OTUD7A: variants seen among roughly 807,000 people sequenced by gnomAD.
OTUD7A encodes OTU deubiquitinase 7A.
In OTUD7A, 12 loss-of-function variants were observed where a neutral mutation model predicts 65.7. The ratio of observed to expected loss-of-function variants is 0.18; its 90% confidence interval spans 0.12 to 0.30. The LOEUF (loss-of-function observed/expected upper bound fraction) is 0.30. Ranked by LOEUF, OTUD7A falls within the 10% of genes least tolerant of loss-of-function variation. The probability of loss-of-function intolerance (pLI) is 1.00; values close to 1 mark genes in which losing one functional copy is unlikely to be tolerated. For synonymous variants in OTUD7A, 641 were observed against 586.3 expected (o/e 1.09, Z -1.35); for missense variants, 1,148 against 1,304.8 (o/e 0.88, Z 1.85).
At chr15:31,699,326 G>A (rs1197422288) in intron 1 of OTUD7A, among the ~76,000 whole-genome samples, 6 of 152,108 alleles carry the variant, frequency 3.9e-5, no homozygotes, top group South Asian at 2.1e-4. Flanking sequence ...TGATCCGCCC[G>A]CCTCGGCCTC....
intron 10 of OTUD7A, among the ~76,000 whole-genome samples, chr15:31,488,723 T>A (rs2041274922): frequency 6.6e-6 from 1 of 152,120 alleles, no homozygotes; most frequent in African/African-American, 2.4e-5. Flanking sequence ...ACACCAATAG[T>A]TGATTTGGTA....
intron 3 of OTUD7A, among the ~76,000 whole-genome samples, chr15:31,609,110 A>C (rs2085666): frequency 6.6e-6 from 1 of 152,074 alleles, no homozygotes; most frequent in Non-Finnish European, 1.5e-5. Flanking sequence ...TGGGTCCCCA[A>C]GCAGGCCATT....
At chr15:31,786,607 C>T (rs1595767804) in intron 1 of OTUD7A, among the ~76,000 whole-genome samples, 1 of 152,104 alleles carries the variant, frequency 6.6e-6, no homozygotes, top group Non-Finnish European at 1.5e-5. Context: ...GGCCCTCATG[C>T]CCTGCTGCCC....
intron 1 of OTUD7A, among the ~76,000 whole-genome samples, chr15:31,813,266 A>AG (rs1302434235): frequency 8.2e-6 from 1 of 122,490 alleles, no homozygotes; most frequent in Non-Finnish European, 1.8e-5. Context: ...TCCATGGATC[A>AG]GGCACAGAGT....
chr15:31,561,537 A>G (rs1350516205), intron 4 of OTUD7A, among the ~76,000 whole-genome samples: 3 of 152,304 alleles, frequency 2.0e-5, no homozygotes, highest in Non-Finnish European at 4.4e-5. Context: ...GGGCCCATCA[A>G]TCAGCACCCA....
intron 10 of OTUD7A, among the ~76,000 whole-genome samples, chr15:31,491,968 G>T (rs2041322449): frequency 6.6e-6 from 1 of 152,192 alleles, no homozygotes; most frequent in African/African-American, 2.4e-5. Flanking sequence ...ATAAAAGTGA[G>T]CAAATCATTG....
At chr15:31,739,484 A>G (rs1324553866) in intron 1 of OTUD7A, among the ~76,000 whole-genome samples, 1 of 152,268 alleles carries the variant, frequency 6.6e-6, no homozygotes. Context: ...TAATTAGATA[A>G]ATATGCACGT....
intron 1 of OTUD7A, among the ~76,000 whole-genome samples, chr15:31,739,835 G>A (rs1447563395): frequency 6.6e-6 from 1 of 152,220 alleles, no homozygotes; most frequent in Non-Finnish European, 1.5e-5. Context: ...GCTTCCCAAA[G>A]TGCTGGGATT....
At chr15:31,829,912 A>G (rs963611649) in intron 1 of OTUD7A, among the ~76,000 whole-genome samples, 48 of 152,222 alleles carry the variant, frequency 3.2e-4, no homozygotes, top group Non-Finnish European at 4.0e-4. Context: ...AGTGAACACG[A>G]CAATCTCTGC....
chr15:31,777,652 T>C (rs1211601489), intron 1 of OTUD7A, among the ~76,000 whole-genome samples: 2 of 152,230 alleles, frequency 1.3e-5, no homozygotes, highest in African/African-American at 4.8e-5. Context: ...TCCCCCACCC[T>C]CAGCCCAGGC....
At chr15:31,623,279 C>T (rs888518113) in intron 3 of OTUD7A, among the ~76,000 whole-genome samples, 6 of 152,356 alleles carry the variant, frequency 3.9e-5, no homozygotes, top group Admixed American at 6.5e-5. Flanking sequence ...AGAACCACTA[C>T]TCTCTTCAAA....
intron 3 of OTUD7A, among the ~76,000 whole-genome samples, chr15:31,599,836 G>A (rs572082446): frequency 1.3e-5 from 2 of 152,042 alleles, no homozygotes; most frequent in East Asian, 1.9e-4. Flanking sequence ...CAAGAACTTC[G>A]TGAAGCATAC....
intron 1 of OTUD7A, among the ~76,000 whole-genome samples, chr15:31,679,888 T>A (rs1191775023): frequency 6.6e-6 from 1 of 152,148 alleles, no homozygotes. Flanking sequence ...TAAAGTTACA[T>A]AACAGAATAA....
chr15:31,851,200 T>C (rs961071456), intron 1 of OTUD7A, among the ~76,000 whole-genome samples: 2 of 152,136 alleles, frequency 1.3e-5, no homozygotes, highest in African/African-American at 2.4e-5. Context: ...GGATTTGACA[T>C]GGATTAGGTA....
intron 1 of OTUD7A, among the ~76,000 whole-genome samples, chr15:31,740,536 C>T (rs1894314088): frequency 1.3e-5 from 2 of 151,972 alleles, no homozygotes; most frequent in Admixed American, 1.3e-4. Context: ...GCGAGGACGG[C>T]TGCCGTGGGG....
At chr15:31,781,190 G>A (rs1337051729) in intron 1 of OTUD7A, among the ~76,000 whole-genome samples, 1 of 152,174 alleles carries the variant, frequency 6.6e-6, no homozygotes, top group East Asian at 1.9e-4. Flanking sequence ...AGGATGCAGT[G>A]TGACTGCTAA....
At chr15:31,715,467 G>C (rs1893559861) in intron 1 of OTUD7A, among the ~76,000 whole-genome samples, 1 of 151,648 alleles carries the variant, frequency 6.6e-6, no homozygotes, top group South Asian at 2.1e-4. Flanking sequence ...CCACTGCTAA[G>C]AAGCCTTCTC....
chr15:31,832,402 T>C (rs1046708059), intron 1 of OTUD7A, among the ~76,000 whole-genome samples: 26 of 152,174 alleles, frequency 1.7e-4, no homozygotes, highest in Admixed American at 9.2e-4. Context: ...GAGTGGTCTT[T>C]CCATCTCCAG....
At chr15:31,735,916 T>C (rs918248693) in intron 1 of OTUD7A, among the ~76,000 whole-genome samples, 2 of 152,196 alleles carry the variant, frequency 1.3e-5, no homozygotes, top group East Asian at 1.9e-4. Flanking sequence ...TGCAGGGACA[T>C]GGATGGAGCT....
Sources: gnomAD v4.1 joint callset for allele counts (sites outside exome capture counted in the v4.1 genomes callset) on GRCh38, gnomAD v4.1.1 for gene constraint, MANE v1.5 for transcripts, NCBI Gene and HGNC (gene_info 2026-07-23, HGNC 2026-07-21) for gene names.